The following NFS1 variants were observed in gnomAD, a reference collection of about 807,000 sequenced individuals.
NFS1 encodes cysteine desulfurase.
NFS1 carries 26 observed loss-of-function variants against 57.3 expected under a neutral mutation model. The ratio of observed to expected loss-of-function variants is 0.45; its 90% confidence interval spans 0.33 to 0.63. The LOEUF (loss-of-function observed/expected upper bound fraction) is 0.63. Ranked by LOEUF, NFS1 falls within the 20% of genes least tolerant of loss-of-function variation. NFS1 has a pLI of 0.02. For missense variants in NFS1, 505 were observed against 605.8 expected (o/e 0.83, Z 1.75); for synonymous variants, 209 against 216.3 (o/e 0.97, Z 0.30).
intron 1 of NFS1, chr20:35,698,802 T>G: frequency 2.2e-6 from 3 of 1,383,694 alleles, no homozygotes; most frequent in African/African-American, 1.5e-5. Context: ...GAGGGGGTGT[T>G]GAGTTGATAT....
At chr20:35,696,281 AT>A in intron 4 of NFS1, 95 bp downstream of exon 4, 1 of 822,458 alleles carries the variant, frequency 1.2e-6, no homozygotes, top group Non-Finnish European at 2.1e-6. Context: ...GTGGGGATGG[AT>A]GGCTGCGAAA....
chr20:35,673,725 C>A (rs375189038), intron 10 of NFS1, 41 bp from the exon 11 acceptor site: 1 of 1,517,076 alleles, frequency 6.6e-7, no homozygotes, highest in African/African-American at 1.4e-5. Flanking sequence ...TCATCATCAA[C>A]GTCTACTTTT....
chr20:35,685,558 T>TA (rs2034924580), intron 5 of NFS1, among the ~76,000 whole-genome samples: 4 of 143,506 alleles, frequency 2.8e-5, no homozygotes, highest in African/African-American at 1.0e-4. Flanking sequence ...ATAAAATATT[T>TA]TATATATATA....
rs2034705161 is a variant in NFS1, at chr20:35,674,448, C to T, written c.1055-17G>A. The T allele has an allele frequency of 3.1e-6, 5 of 1,613,526 alleles. No individual in the cohort carries two copies. The highest frequency in any genetic ancestry group is 1.1e-5 in the South Asian group (1 of 91,070). ...TGATACAGCCTGGAGGAAAGAAATA[C>T]TGTGAGAGAGGTCTCAGAGTCTCAG... On this transcript the variant is annotated splice_polypyrimidine_tract_variant and intron_variant, in intron 9 of 12. Transcript: ENST00000374092.
intron 3 of NFS1, among the ~76,000 whole-genome samples, chr20:35,697,053 C>T (rs1025657785): frequency 5.9e-5 from 9 of 152,140 alleles, no homozygotes; most frequent in African/African-American, 2.2e-4. Flanking sequence ...TTGCAGTGAG[C>T]CGAGATCGTG....
chr20:35,685,560 A>C (rs544845859), intron 5 of NFS1, among the ~76,000 whole-genome samples: 1 of 145,414 alleles, frequency 6.9e-6, no homozygotes, highest in Admixed American at 6.9e-5. Context: ...AAAATATTTT[A>C]TATATATATA....
At chr20:35,690,779 C>G (rs771475505) in intron 4 of NFS1, among the ~76,000 whole-genome samples, 1 of 152,162 alleles carries the variant, frequency 6.6e-6, no homozygotes, top group Non-Finnish European at 1.5e-5. Flanking sequence ...AAGACTGCCC[C>G]TAGTTCAGAT....
chr20:35,675,552 T>C, intron 7 of NFS1: 1 of 248,612 alleles, frequency 4.0e-6, no homozygotes, highest in Non-Finnish European at 7.7e-6. Flanking sequence ...GATTATGGCA[T>C]GTCCATACAA....
chr20:35,686,138 C>T (rs947977559), intron 5 of NFS1, among the ~76,000 whole-genome samples: 1 of 151,294 alleles, frequency 6.6e-6, no homozygotes, highest in African/African-American at 2.4e-5. Context: ...ACCATGTTGG[C>T]CAGGCTGGTC....
intron 5 of NFS1, among the ~76,000 whole-genome samples, chr20:35,686,106 T>A (rs1195911253): frequency 6.6e-6 from 1 of 151,176 alleles, no homozygotes; most frequent in Admixed American, 6.6e-5. Flanking sequence ...ATTTTTGTAT[T>A]TTTTAGTAGA....
intron 7 of NFS1, among the ~76,000 whole-genome samples, chr20:35,678,405 G>A (rs1419058241): frequency 1.3e-5 from 2 of 151,898 alleles, no homozygotes; most frequent in African/African-American, 2.4e-5. Context: ...GCAGGCACCT[G>A]TAATCCCAGC....
At chr20:35,684,457 A>AAATAC (rs2034905610) in intron 5 of NFS1, among the ~76,000 whole-genome samples, 1 of 148,858 alleles carries the variant, frequency 6.7e-6, no homozygotes, top group Non-Finnish European at 1.5e-5. Context: ...AAATAAAATA[A>AAATAC]AATAAAATAA....
At position 35,669,545 on chromosome 20, in the gene NFS1, G is replaced by A. The variant is rs1304725091; in HGVS notation, c.*77C>T. The A allele has an allele frequency of 6.1e-6, 8 of 1,301,438 alleles. No homozygotes were observed. The African/African-American group carries it at 7.2e-5, about 12-fold the overall frequency. 80.6% of individuals were successfully genotyped at this position (1,301,438 alleles called of 1,614,324 possible). A position where few individuals can be genotyped will look rare whatever the true frequency, so the allele number is the denominator to read the frequency against. On this transcript the variant is annotated 3_prime_UTR_variant, in exon 13 of 13. Transcript: ENST00000374092. ...TACCAATCTAGAGCATCCACTAGGT[G>A]TAACAAGGTGTCTGGTTGTGCACGG...
chr20:35,673,028 C>T (rs562733528), intron 11 of NFS1, among the ~76,000 whole-genome samples, 184 bp from the exon 12 acceptor site: 2 of 152,310 alleles, frequency 1.3e-5, no homozygotes, highest in African/African-American at 4.8e-5. Flanking sequence ...TGGCTCACGC[C>T]TGTAATTCCA....
At chr20:35,672,269 G>A (rs903725190) in intron 12 of NFS1, among the ~76,000 whole-genome samples, 2 of 150,862 alleles carry the variant, frequency 1.3e-5, no homozygotes, top group Non-Finnish European at 3.0e-5. Flanking sequence ...TTTTTTTTGG[G>A]ACGGAGTTTG....
chr20:35,686,259 A>G (rs2034941656), intron 5 of NFS1, among the ~76,000 whole-genome samples: 1 of 151,024 alleles, frequency 6.6e-6, no homozygotes, highest in African/African-American at 2.4e-5. Flanking sequence ...CTGAGGCAGG[A>G]AAATCGCTTG....
chr20:35,671,008 G>C (rs1383693466), intron 12 of NFS1, among the ~76,000 whole-genome samples: 1 of 152,184 alleles, frequency 6.6e-6, no homozygotes, highest in Non-Finnish European at 1.5e-5. Flanking sequence ...AAAAAATCTA[G>C]AGGCCTCAAG....
chr20:35,673,038 AAC>A (rs1294167148), intron 11 of NFS1, among the ~76,000 whole-genome samples, 194 bp from the exon 12 acceptor site: 7 of 152,190 alleles, frequency 4.6e-5, no homozygotes, highest in Admixed American at 4.6e-4. Context: ...CTGTAATTCC[AAC>A]AGTTTGGGAG....
In NFS1 at chr20:35,681,845, G is replaced by A. The variant is rs1338303360; in HGVS notation, c.655+43C>T. 7 of 1,114,008 alleles carry A rather than the reference G, an allele frequency of 6.3e-6. No homozygotes were observed. The Admixed American group carries it at 8.5e-5, about 14-fold the overall frequency. 69.0% of individuals were successfully genotyped at this position (1,114,008 alleles called of 1,614,324 possible). The stretch of plus-strand genomic sequence containing the variant: ...CTCTCAGTATACTACCTCATACAGA[G>A]CCCCATGGTGGGCAGGGATCAGGGA... On this transcript the variant is annotated intron_variant, in intron 6 of 12. Coordinates refer to ENST00000374092, the MANE Select transcript of NFS1 (RefSeq NM_021100.5).
Sources: gnomAD v4.1 joint callset for allele counts (sites outside exome capture counted in the v4.1 genomes callset) on GRCh38, gnomAD v4.1.1 for gene constraint, MANE v1.5 for transcripts, NCBI Gene and HGNC (gene_info 2026-07-23, HGNC 2026-07-21) for gene names.